The following CDKL4 variants were observed in gnomAD, a reference collection of about 807,000 sequenced individuals.
The protein encoded by CDKL4 is cyclin dependent kinase like 4.
Under a neutral mutation model 42.0 loss-of-function variants are expected in CDKL4, and 44 were observed. That is an observed-to-expected ratio of 1.05 (90% confidence interval 0.82 to 1.35). The LOEUF is 1.35. CDKL4 is among the 40% of genes most tolerant of loss of function. CDKL4 has a pLI of 0.00. For synonymous variants in CDKL4, 120 were observed against 121.6 expected (o/e 0.99, Z 0.09); for missense variants, 393 against 369.9 (o/e 1.06, Z -0.51).
intron 9 of CDKL4, 31 bp from the exon 10 acceptor site, chr2:39,176,127 G>A: frequency 2.2e-6 from 1 of 452,080 alleles, no homozygotes; most frequent in Non-Finnish European, 4.5e-6. Flanking sequence ...CAATAAGAAA[G>A]CAAATTGAAA....
At chr2:39,242,177 C>T (rs1372053814) in intron 1 of CDKL4, among the ~76,000 whole-genome samples, 1 of 151,966 alleles carries the variant, frequency 6.6e-6, no homozygotes, top group Non-Finnish European at 1.5e-5. Flanking sequence ...TCTTGAGTAG[C>T]TGAGACTACA....
intron 6 of CDKL4, among the ~76,000 whole-genome samples, chr2:39,189,256 T>A (rs994450661): frequency 3.4e-4 from 51 of 152,218 alleles, no homozygotes; most frequent in Admixed American, 3.3e-3. Context: ...GCTGTTGGCA[T>A]GAAGCTGTGG....
At chr2:39,231,155 T>C (rs988607188) in intron 1 of CDKL4, among the ~76,000 whole-genome samples, 4 of 152,128 alleles carry the variant, frequency 2.6e-5, no homozygotes, top group African/African-American at 9.7e-5. Context: ...GAGGTTGCAG[T>C]GAGCTGAGAT....
chr2:39,179,127 G>C, intron 9 of CDKL4, 60 bp downstream of exon 9: 2 of 1,565,148 alleles, frequency 1.3e-6, no homozygotes, highest in East Asian at 2.2e-5. Flanking sequence ...TTGAAAGGCA[G>C]ACAAACAAAA....
chr2:39,193,783 A>C (rs1191003498), intron 5 of CDKL4, among the ~76,000 whole-genome samples: 2 of 152,258 alleles, frequency 1.3e-5, no homozygotes, highest in African/African-American at 4.8e-5. Context: ...AGAGAAACCA[A>C]GTGAACCTTT....
At chr2:39,235,728 G>A (rs896185207) in intron 1 of CDKL4, among the ~76,000 whole-genome samples, 5 of 152,172 alleles carry the variant, frequency 3.3e-5, no homozygotes, top group Non-Finnish European at 4.4e-5. Context: ...ACTCCAGCTT[G>A]TAGACAGAGT....
Position 39,204,620 on chromosome 2 carries a change from G to GT in CDKL4, c.364-4dup. 7.2e-7 allele frequency: 1 copy of GT among 1,379,590 alleles called. No homozygotes were observed. Among genetic ancestry groups the GT allele is most frequent in the Non-Finnish European group, 1.0e-6 (1 of 973,720 alleles). 85.5% of individuals were successfully genotyped at this position (1,379,590 alleles called of 1,614,324 possible). A position where few individuals can be genotyped will look rare whatever the true frequency, so the allele number is the denominator to read the frequency against. On this transcript the variant is annotated splice_polypyrimidine_tract_variant and splice_region_variant and intron_variant, in intron 4 of 9. Transcript: ENST00000451199. ...GGTTTTATATCTCTGTGAATACACT[G>GT]TAAGATCATTATTTGATTATTTTTC...
At chr2:39,205,137 A>G (rs2148334719) in intron 4 of CDKL4, among the ~76,000 whole-genome samples, 1 of 152,308 alleles carries the variant, frequency 6.6e-6, no homozygotes, top group African/African-American at 2.4e-5. Context: ...CTATGATCAC[A>G]CTGCACAGAG....
chr2:39,211,839 G>A (rs76414490), intron 4 of CDKL4, among the ~76,000 whole-genome samples: 418 of 152,076 alleles, frequency 2.7e-3, no homozygotes, highest in African/African-American at 9.7e-3. Context: ...ATCGAAAGTG[G>A]GACAAGTGGA....
chr2:39,223,842 C>T (rs1678529518), intron 3 of CDKL4, among the ~76,000 whole-genome samples: 1 of 152,124 alleles, frequency 6.6e-6, no homozygotes, highest in Non-Finnish European at 1.5e-5. Flanking sequence ...AGCTGATCCA[C>T]CTGCCTCAGC....
downstream of CDKL4, among the ~76,000 whole-genome samples, chr2:39,173,209 A>G (rs1414451738): frequency 6.6e-6 from 1 of 152,240 alleles, no homozygotes; most frequent in Non-Finnish European, 1.5e-5. Context: ...TTATCTATAT[A>G]GATACATAAT....
At chr2:39,170,426 T>TG in the CDKL4 span, among the ~76,000 whole-genome samples, 402 of 152,228 alleles carry the variant, frequency 2.6e-3, 2 homozygotes, top group African/African-American at 9.2e-3. Context: ...AAGCTAACAC[T>TG]GACTCCCCAG....
At chr2:39,178,477 A>T in intron 9 of CDKL4, 1 of 1,233,788 alleles carries the variant, frequency 8.1e-7, no homozygotes, top group South Asian at 1.4e-5. Flanking sequence ...TGTGTCAGAT[A>T]CTGTTTTAGG....
At chr2:39,209,661 G>A (rs1317441406) in intron 4 of CDKL4, among the ~76,000 whole-genome samples, 1 of 152,100 alleles carries the variant, frequency 6.6e-6, no homozygotes, top group Non-Finnish European at 1.5e-5. Context: ...TGAATCCCTT[G>A]GTACTTTAAC....
chr2:39,220,318 G>A (rs898302741), intron 3 of CDKL4, among the ~76,000 whole-genome samples: 3 of 152,016 alleles, frequency 2.0e-5, no homozygotes, highest in African/African-American at 7.3e-5. Flanking sequence ...GGGGATGCCC[G>A]CTCTCTTCAA....
chr2:39,214,167 C>A (rs551757525), intron 3 of CDKL4, among the ~76,000 whole-genome samples: 8 of 152,164 alleles, frequency 5.3e-5, no homozygotes, highest in Non-Finnish European at 1.2e-4. Context: ...AGATGATCCA[C>A]CTGCCTCGCC....
chr2:39,180,957 G>A (rs1188147867), intron 8 of CDKL4, among the ~76,000 whole-genome samples: 1 of 152,192 alleles, frequency 6.6e-6, no homozygotes, highest in Non-Finnish European at 1.5e-5. Flanking sequence ...CCAGTGCTGG[G>A]ACTACAGGCG....
chr2:39,226,001 T>C lies in CDKL4; in HGVS notation c.169-41A>G, dbSNP rs370894516. Reference sequence around the variant, plus strand: ...AATGCAAAGTTAAGTGATCTGTTACTAGTAAAAGCTTCTACCCAGACCCCT... The same window carrying C: ...AATGCAAAGTTAAGTGATCTGTTACCAGTAAAAGCTTCTACCCAGACCCCT... On this transcript the variant is annotated intron_variant, in intron 2 of 9. Coordinates refer to ENST00000451199, the Ensembl canonical transcript of CDKL4. The C allele has an allele frequency of 2.5e-5, 40 of 1,587,530 alleles. No homozygotes were observed. In the African/African-American group the frequency reaches 2.7e-4, roughly 11 times the overall value.
At chr2:39,225,787 A>G in intron 3 of CDKL4, 52 bp downstream of exon 3, 1 of 1,546,196 alleles carries the variant, frequency 6.5e-7, no homozygotes, top group South Asian at 1.2e-5. Flanking sequence ...AATTCCACAG[A>G]AAATGAAACT....
Sources: gnomAD v4.1 joint callset for allele counts (sites outside exome capture counted in the v4.1 genomes callset) on GRCh38, gnomAD v4.1.1 for gene constraint, MANE v1.5 for transcripts, NCBI Gene and HGNC (gene_info 2026-07-23, HGNC 2026-07-21) for gene names.